Variants in NREP observed in about 807,000 individuals in gnomAD.
NREP encodes the protein neuronal regeneration related protein, also known as neuronal regeneration-related protein.
In NREP, 5 loss-of-function variants were observed where a neutral mutation model predicts 8.6. The observed-to-expected ratio is 0.58, with a 90% CI of 0.30 to 1.22. The LOEUF is 1.22. Ranked by LOEUF, NREP falls within the 50% of genes most tolerant of loss-of-function variation. NREP has a pLI of 0.07. For missense variants in NREP, 86 were observed against 82.5 expected (o/e 1.04, Z -0.17); for synonymous variants, 27 against 28.0 (o/e 0.96, Z 0.11).
chr5:111,819,246 C>A (rs1291913769), intron 2 of NREP, among the ~76,000 whole-genome samples: 1 of 152,162 alleles, frequency 6.6e-6, no homozygotes. Flanking sequence ...TGTTCTCTAA[C>A]CACCCTTTCT....
intron 2 of NREP, among the ~76,000 whole-genome samples, chr5:111,884,505 G>C (rs2112521793): frequency 6.6e-6 from 1 of 152,214 alleles, no homozygotes; most frequent in East Asian, 1.9e-4. Flanking sequence ...ACCAAAGCCA[G>C]GCAGAGACAC....
At chr5:111,889,726 T>C (rs1275063813) in intron 2 of NREP, among the ~76,000 whole-genome samples, 1 of 152,158 alleles carries the variant, frequency 6.6e-6, no homozygotes, top group Non-Finnish European at 1.5e-5. Flanking sequence ...ACCAGCAGGC[T>C]TTGTGTGAGC....
intron 2 of NREP, among the ~76,000 whole-genome samples, chr5:111,953,430 T>G (rs1756221349): frequency 6.6e-6 from 1 of 152,144 alleles, no homozygotes; most frequent in Non-Finnish European, 1.5e-5. Context: ...TCTGCATCAC[T>G]GGCAACCTCC....
intron 2 of NREP, among the ~76,000 whole-genome samples, chr5:111,965,801 T>A (rs1756628022): frequency 6.6e-6 from 1 of 152,218 alleles, no homozygotes; most frequent in South Asian, 2.1e-4. Context: ...AATGTGTATG[T>A]ATTTAAATAT....
intron 2 of NREP, among the ~76,000 whole-genome samples, chr5:111,810,931 G>T (rs1347961185): frequency 1.3e-5 from 2 of 152,100 alleles, no homozygotes; most frequent in Non-Finnish European, 2.9e-5. Flanking sequence ...AAAATTACTT[G>T]GCTTATCTGG....
At position 111,729,831 on chromosome 5, in the gene NREP, A is replaced by G. The variant is rs1748391013; in HGVS notation, c.*1090T>C. On this transcript the variant is annotated 3_prime_UTR_variant, in exon 4 of 4. Transcript: ENST00000257435. The stretch of plus-strand genomic sequence containing the variant: ...AAAAAAGAATGCTCTGCCTTTTAAA[A>G]AAGTATCATGATTTTGTAGACCTTG... The G allele has an allele frequency of 6.6e-6, 1 of 152,646 alleles. No homozygotes were observed. Among genetic ancestry groups the G allele is most frequent in the Non-Finnish European group, 1.5e-5 (1 of 68,034 alleles). 9.5% of individuals were successfully genotyped at this position (152,646 alleles called of 1,614,324 possible). A position where few individuals can be genotyped will look rare whatever the true frequency, so the allele number is the denominator to read the frequency against.
rs564295490 is a variant in NREP at position 111,939,441 on chromosome 5, A to G, written c.135+35833T>C. On this transcript the variant is annotated intron_variant, in intron 2 of 3. Coordinates refer to the NREP transcript ENST00000395634. ...TTTCCCAGACATTACAGTCTGGGAA[A>G]TCCTCATTATTTGTGGATTCCATAT... Among the ~76,000 whole-genome samples the G allele has an allele frequency of 4.6e-5, 7 of 152,084 alleles. No individual in the cohort carries two copies. The East Asian group carries it at 1.4e-3, about 30-fold the overall frequency.
chr5:111,935,285 T>C lies in NREP; in HGVS notation c.135+39989A>G, dbSNP rs78499119. ...AGGCTGTTTACTGAATGTAGGCAGATAGGACCTTACACAATATCCCAGAGA... is the reference window on the plus strand; with the variant it reads ...AGGCTGTTTACTGAATGTAGGCAGACAGGACCTTACACAATATCCCAGAGA... On this transcript the variant is annotated intron_variant, in intron 2 of 3. Transcript: ENST00000395634. Among the ~76,000 whole-genome samples the C allele has an allele frequency of 8.7e-3, 1,322 of 152,124 alleles. 23 individuals are homozygous for C. The highest frequency in any genetic ancestry group is 0.03 in the African/African-American group (1,255 of 41,514).
intron 2 of NREP, chr5:111,940,208 GATAA>G (rs1180218840): frequency 6.6e-6 from 1 of 151,966 alleles, no homozygotes; most frequent in Non-Finnish European, 1.5e-5. Context: ...AGCCTTTTGT[GATAA>G]ATAAAGATGC....
At chr5:111,814,426 C>T (rs192174629) in intron 2 of NREP, among the ~76,000 whole-genome samples, 33 of 152,216 alleles carry the variant, frequency 2.2e-4, no homozygotes, top group African/African-American at 7.2e-4. Context: ...AAGAGCTTAA[C>T]ATTAAAGAAA....
At chr5:111,735,598 CA>C in intron 2 of NREP, 91 bp from the exon 3 acceptor site, 1 of 859,694 alleles carries the variant, frequency 1.2e-6, no homozygotes. Flanking sequence ...CAATTCTCCT[CA>C]ATGGTTACTT....
intron 1 of NREP, chr5:111,975,499 G>A: frequency 1.5e-6 from 1 of 677,038 alleles, no homozygotes; most frequent in South Asian, 1.8e-5. Context: ...AAATGAGAAG[G>A]ACACTGACTG....
intron 2 of NREP, among the ~76,000 whole-genome samples, chr5:111,926,415 G>T (rs1015531041): frequency 6.6e-6 from 1 of 152,100 alleles, no homozygotes; most frequent in Non-Finnish European, 1.5e-5. Context: ...GGTCGATTGT[G>T]CATCGCTTGC....
chr5:111,732,122 CAA>C (rs1491322343), intron 3 of NREP: 1 of 151,808 alleles, frequency 6.6e-6, no homozygotes, highest in Admixed American at 6.6e-5. Flanking sequence ...CATGTTCTAA[CAA>C]GACAGTTTTA....
intron 1 of NREP, chr5:111,756,046 A>AG: frequency 6.8e-6 from 9 of 1,327,580 alleles, no homozygotes; most frequent in Non-Finnish European, 8.7e-6. Context: ...TTGGCTTTGC[A>AG]GAGTCCTGGG....
chr5:111,894,449 AT>A (rs11357466), intron 2 of NREP, among the ~76,000 whole-genome samples: 59,163 of 147,362 alleles, frequency 0.4, 13,917 homozygotes, highest in Non-Finnish European at 0.54. Flanking sequence ...ATCTTGAGGG[AT>A]TTTTTTTTTT....
At chr5:111,925,090 A>G (rs946032965) in intron 2 of NREP, among the ~76,000 whole-genome samples, 1 of 152,100 alleles carries the variant, frequency 6.6e-6, no homozygotes, top group South Asian at 2.1e-4. Flanking sequence ...TGGATTGGAA[A>G]AGAACAGAGA....
intron 2 of NREP, among the ~76,000 whole-genome samples, chr5:111,735,956 T>C (rs1394754088): frequency 6.6e-6 from 1 of 152,138 alleles, no homozygotes; most frequent in Non-Finnish European, 1.5e-5. Context: ...CAGCCCAGAT[T>C]CTCTCCAAGT....
intron 2 of NREP, among the ~76,000 whole-genome samples, chr5:111,864,584 A>G (rs1454963659): frequency 6.6e-6 from 1 of 152,132 alleles, no homozygotes; most frequent in Non-Finnish European, 1.5e-5. Context: ...TAATCTGAAA[A>G]TAATGTATTT....
Sources: allele counts gnomAD v4.1 joint callset (sites outside exome capture counted in the v4.1 genomes callset), GRCh38; gene constraint gnomAD v4.1.1; transcripts MANE v1.5; gene names NCBI Gene and HGNC (gene_info 2026-07-23, HGNC 2026-07-21).